IGSF21: variants seen among roughly 807,000 people sequenced by gnomAD.
The protein encoded by IGSF21 is immunoglobin superfamily member 21.
IGSF21 carries 28 observed loss-of-function variants against 46.8 expected under a neutral mutation model. The observed-to-expected ratio is 0.60, with a 90% CI of 0.44 to 0.82. The LOEUF (loss-of-function observed/expected upper bound fraction) is 0.82. Among genes scored for constraint, IGSF21 ranks in the 40% least tolerant of loss-of-function variants. IGSF21 has a pLI of 0.00. For missense variants in IGSF21, 624 were observed against 665.5 expected, an observed-to-expected ratio of 0.94 and a Z score of 0.69; for synonymous variants, 284 against 273.6, an observed-to-expected ratio of 1.04 and a Z score of -0.38.
intron 1 of IGSF21, among the ~76,000 whole-genome samples, chr1:18,225,512 C>G (rs1000540890): frequency 6.6e-6 from 1 of 152,196 alleles, no homozygotes; most frequent in Non-Finnish European, 1.5e-5. Context: ...GCACCCACCT[C>G]GGGCTGCTCA....
chr1:18,304,004 G>A (rs2085387175), intron 3 of IGSF21, among the ~76,000 whole-genome samples: 1 of 152,230 alleles, frequency 6.6e-6, no homozygotes, highest in Non-Finnish European at 1.5e-5. Flanking sequence ...AAATGATGAA[G>A]CAGGGAGATT....
At chr1:18,321,196 A>G (rs931355277) in intron 3 of IGSF21, among the ~76,000 whole-genome samples, 15 of 152,144 alleles carry the variant, frequency 9.9e-5, no homozygotes, top group African/African-American at 3.4e-4. Context: ...CCTGCAGACA[A>G]AAGGGTCTGC....
chr1:18,346,646 G>A (rs1028482296), intron 4 of IGSF21, among the ~76,000 whole-genome samples: 2 of 152,126 alleles, frequency 1.3e-5, no homozygotes, highest in East Asian at 1.9e-4. Context: ...ATGCAACCAC[G>A]TGATCTCACT....
chr1:18,284,365 T>G (rs1278831971), intron 2 of IGSF21, among the ~76,000 whole-genome samples: 6 of 152,228 alleles, frequency 3.9e-5, no homozygotes, highest in Non-Finnish European at 8.8e-5. Flanking sequence ...CCGGTTCCCA[T>G]GCTAGGCTCC....
intron 1 of IGSF21, among the ~76,000 whole-genome samples, chr1:18,122,197 T>C (rs9729156): frequency 0.026 from 1,254 of 48,146 alleles, no homozygotes; most frequent in Middle Eastern, 0.045. Context: ...TTCTTTCTTT[T>C]TTTTTTTTTT....
intron 2 of IGSF21, among the ~76,000 whole-genome samples, chr1:18,285,667 A>G (rs940513959): frequency 1.3e-5 from 2 of 152,114 alleles, no homozygotes; most frequent in Admixed American, 1.3e-4. Context: ...CCTGGCTGAG[A>G]TGCTCTCAGC....
At chr1:18,257,527 G>A (rs373969377) in intron 2 of IGSF21, among the ~76,000 whole-genome samples, 2 of 152,148 alleles carry the variant, frequency 1.3e-5, no homozygotes, top group Admixed American at 6.5e-5. Context: ...GAGACCGTAT[G>A]TCAAGTCATG....
At chr1:18,343,530 C>T (rs1056363359) in intron 4 of IGSF21, among the ~76,000 whole-genome samples, 1 of 152,330 alleles carries the variant, frequency 6.6e-6, no homozygotes, top group Admixed American at 6.5e-5. Context: ...AACTCAATCT[C>T]ACAACTTACT....
chr1:18,321,255 G>T (rs576450489), intron 3 of IGSF21, among the ~76,000 whole-genome samples: 40 of 152,314 alleles, frequency 2.6e-4, no homozygotes, highest in African/African-American at 9.1e-4. Context: ...CCTCCATGTT[G>T]CTGTAGAGCC....
intron 1 of IGSF21, among the ~76,000 whole-genome samples, chr1:18,149,822 T>C (rs2086505418): frequency 6.6e-6 from 1 of 152,152 alleles, no homozygotes; most frequent in African/African-American, 2.4e-5. Context: ...ATGAGAATCA[T>C]TCATGTCTAC....
chr1:18,275,601 C>T (rs1241239352), intron 2 of IGSF21, among the ~76,000 whole-genome samples: 1 of 152,146 alleles, frequency 6.6e-6, no homozygotes, highest in African/African-American at 2.4e-5. Flanking sequence ...GGAAAGGAAC[C>T]TCACCTCACC....
At chr1:18,283,725 C>G (rs538032937) in intron 2 of IGSF21, among the ~76,000 whole-genome samples, 1 of 152,126 alleles carries the variant, frequency 6.6e-6, no homozygotes, top group Admixed American at 6.5e-5. Context: ...TTCTTGCCCC[C>G]CTGCCCGAAA....
intron 1 of IGSF21, among the ~76,000 whole-genome samples, chr1:18,135,531 G>A (rs995698710): frequency 6.1e-4 from 93 of 151,746 alleles, no homozygotes; most frequent in Non-Finnish European, 8.2e-4. Flanking sequence ...TTGTCCTTGC[G>A]ATAGTTTGCT....
At chr1:18,271,549 A>G (rs193229328) in intron 2 of IGSF21, among the ~76,000 whole-genome samples, 12 of 152,298 alleles carry the variant, frequency 7.9e-5, no homozygotes, top group African/African-American at 2.9e-4. Flanking sequence ...CAAATCTGAA[A>G]ATCTTTCCTC....
chr1:18,316,610 C>G (rs1249112683), intron 3 of IGSF21, among the ~76,000 whole-genome samples: 1 of 152,174 alleles, frequency 6.6e-6, no homozygotes, highest in South Asian at 2.1e-4. Flanking sequence ...TCTGGGATGC[C>G]AATTCCTCCC....
At chr1:18,181,331 C>T (rs895718850) in intron 1 of IGSF21, among the ~76,000 whole-genome samples, 16 of 152,298 alleles carry the variant, frequency 1.1e-4, no homozygotes, top group East Asian at 1.9e-4. Context: ...ATTATGGCTG[C>T]GACATTGATG....
chr1:18,243,205 T>C (rs989569918), intron 2 of IGSF21, among the ~76,000 whole-genome samples: 5 of 152,190 alleles, frequency 3.3e-5, no homozygotes, highest in African/African-American at 1.2e-4. Context: ...CCTAGAGATG[T>C]CTGATAAGCA....
intron 1 of IGSF21, among the ~76,000 whole-genome samples, chr1:18,167,594 G>A (rs956196896): frequency 1.3e-5 from 2 of 152,102 alleles, no homozygotes; most frequent in African/African-American, 2.4e-5. Context: ...CTTTCCCACC[G>A]TGAGTGGATT....
chr1:18,131,511 G>T (rs768613702), intron 1 of IGSF21, among the ~76,000 whole-genome samples: 2 of 152,184 alleles, frequency 1.3e-5, no homozygotes, highest in Non-Finnish European at 2.9e-5. Flanking sequence ...CAAATGACAT[G>T]ATTTTATCTC....
Sources: gnomAD v4.1 joint callset for allele counts (sites outside exome capture counted in the v4.1 genomes callset) on GRCh38, gnomAD v4.1.1 for gene constraint, MANE v1.5 for transcripts, NCBI Gene and HGNC (gene_info 2026-07-23, HGNC 2026-07-21) for gene names.